AQP11: variants seen among roughly 807,000 people sequenced by gnomAD.
AQP11 encodes aquaporin-11.
In AQP11, 20 loss-of-function variants were observed where a neutral mutation model predicts 21.1. The observed-to-expected ratio is 0.95, with a 90% CI of 0.67 to 1.38. AQP11 has a LOEUF of 1.38. Among genes scored for constraint, AQP11 ranks in the 40% most tolerant of loss-of-function variants. The pLI is 0.00. For missense variants in AQP11, 339 were observed against 340.4 expected, an observed-to-expected ratio of 1.00 and a Z score of 0.03; for synonymous variants, 167 against 150.1, an observed-to-expected ratio of 1.11 and a Z score of -0.82.
At chr11:77,595,384 G>A (rs570808735) in intron 1 of AQP11, among the ~76,000 whole-genome samples, 1 of 152,152 alleles carries the variant, frequency 6.6e-6, no homozygotes, top group Admixed American at 6.5e-5. Context: ...TATTTTACAC[G>A]TCAGTTGTCT....
chr11:77,606,029 C>T (rs1177016504), intron 2 of AQP11, among the ~76,000 whole-genome samples: 1 of 100,322 alleles, frequency 1.0e-5, no homozygotes. Context: ...GGCGACAGAG[C>T]GAGTCTCAAA....
intron 1 of AQP11, among the ~76,000 whole-genome samples, chr11:77,599,976 T>G (rs527309303): frequency 6.6e-6 from 1 of 152,234 alleles, no homozygotes; most frequent in East Asian, 1.9e-4. Flanking sequence ...TTTATTTATT[T>G]TGAGACTGAG....
intron 1 of AQP11, among the ~76,000 whole-genome samples, chr11:77,593,406 C>A (rs1958760096): frequency 6.6e-6 from 1 of 152,132 alleles, no homozygotes; most frequent in Non-Finnish European, 1.5e-5. Context: ...GAGGCCGAGG[C>A]GGGCAGATCA....
intron 1 of AQP11, among the ~76,000 whole-genome samples, chr11:77,593,586 G>A (rs1227463205): frequency 2.0e-5 from 3 of 152,076 alleles, no homozygotes; most frequent in African/African-American, 4.8e-5. Flanking sequence ...GCAGTGAGCC[G>A]AGATCGAGTC....
chr11:77,608,948 A>T (rs1958861711), intron 2 of AQP11, among the ~76,000 whole-genome samples: 1 of 152,206 alleles, frequency 6.6e-6, no homozygotes, highest in South Asian at 2.1e-4. Context: ...TGAAGACCCA[A>T]GTCTAGAACT....
intron 1 of AQP11, among the ~76,000 whole-genome samples, chr11:77,600,904 C>G (rs960774457): frequency 6.6e-6 from 1 of 151,054 alleles, no homozygotes; most frequent in Non-Finnish European, 1.5e-5. Flanking sequence ...CCCAGCTACT[C>G]GGGAGGCTGA....
At chr11:77,593,490 A>G (rs1958760730) in intron 1 of AQP11, among the ~76,000 whole-genome samples, 1 of 152,160 alleles carries the variant, frequency 6.6e-6, no homozygotes. Flanking sequence ...CAAAAAAATT[A>G]GCCAGGCATG....
At chr11:77,594,760 G>A (rs1184666405) in intron 1 of AQP11, among the ~76,000 whole-genome samples, 2 of 152,036 alleles carry the variant, frequency 1.3e-5, no homozygotes, top group African/African-American at 4.8e-5. Context: ...ATAGCCACAG[G>A]CTCCTAAGGA....
chr11:77,594,904 C>G (rs1164828734), intron 1 of AQP11, among the ~76,000 whole-genome samples: 1 of 151,094 alleles, frequency 6.6e-6, no homozygotes, highest in South Asian at 2.1e-4. Context: ...AAAAAAAAAG[C>G]TGTGCGATTT....
intron 2 of AQP11, among the ~76,000 whole-genome samples, chr11:77,606,375 A>G (rs1309137340): frequency 6.6e-6 from 1 of 152,226 alleles, no homozygotes; most frequent in East Asian, 1.9e-4. Context: ...CTCCCTTTAC[A>G]GAGCAGAAAG....
Position 77,603,568 on chromosome 11 carries a change from C to T in AQP11, c.632C>T (p.Thr211Ile). 6.3e-7 allele frequency: 1 copy of T among 1,590,118 alleles called. No homozygotes were observed. Among genetic ancestry groups the T allele is most frequent in the South Asian group, 1.2e-5 (1 of 84,870 alleles). The change falls in exon 2 of 3, where the codon ACA (threonine) becomes ATA (isoleucine). Residue 211 changes from threonine (T) to isoleucine (I), a missense_variant. Transcript: ENST00000313578. The part of the protein sequence containing the change: ...TFLVYAGGSL[T>I]GAVFNPALAL... ...AAATCTGTTACAGGAGGAAGTCTAA[C>T]AGGAGCTGTATTTAATCCAGCTTTG...
At chr11:77,590,948 A>G (rs1958744182) in intron 1 of AQP11, 3 of 985,326 alleles carry the variant, frequency 3.0e-6, no homozygotes, top group South Asian at 4.7e-5. Context: ...CTTCATGCCA[A>G]GGTGGTATAG....
At chr11:77,602,190 T>C (rs1267802660) in intron 1 of AQP11, among the ~76,000 whole-genome samples, 1 of 152,140 alleles carries the variant, frequency 6.6e-6, no homozygotes, top group African/African-American at 2.4e-5. Flanking sequence ...TTAGATCTAG[T>C]GGAAAATCTT....
intron 1 of AQP11, among the ~76,000 whole-genome samples, chr11:77,602,951 A>G (rs1205625457): frequency 1.3e-5 from 2 of 152,048 alleles, no homozygotes; most frequent in African/African-American, 4.8e-5. Context: ...CAGACTATAG[A>G]CTCCTAGCCC....
chr11:77,606,030 G>A (rs1251327699), intron 2 of AQP11, among the ~76,000 whole-genome samples: 2 of 113,498 alleles, frequency 1.8e-5, no homozygotes, highest in African/African-American at 3.4e-5. Context: ...GCGACAGAGC[G>A]AGTCTCAAAA....
chr11:77,608,090 G>A (rs1230978595), intron 2 of AQP11, among the ~76,000 whole-genome samples: 1 of 151,990 alleles, frequency 6.6e-6, no homozygotes, highest in Non-Finnish European at 1.5e-5. Flanking sequence ...AATTTCAAAT[G>A]TGCATGTGAC....
intron 1 of AQP11, among the ~76,000 whole-genome samples, chr11:77,592,281 AAGAAAAAG>A (rs951786474): frequency 1.1e-4 from 16 of 152,064 alleles, no homozygotes; most frequent in African/African-American, 3.9e-4. Context: ...GAAAAAAAAA[AAGAAAAAG>A]AGAAAAAGAG....
At chr11:77,609,262 G>T (rs1370271371) in intron 2 of AQP11, 36 bp from the exon 3 acceptor site, 4 of 1,541,808 alleles carry the variant, frequency 2.6e-6, no homozygotes, top group Non-Finnish European at 2.7e-6. Flanking sequence ...CCTCCTTAAA[G>T]ATTGTTTTTT....
chr11:77,590,132 T>G lies in AQP11; in HGVS notation c.140T>G (p.Phe47Cys). ...QQLHRPVAHA[F>C]VLEFLATFQL... is the part of the protein sequence containing the mutation. ...CTGCACAGGCCGGTGGCCCACGCCTTCGTCCTGGAGTTTCTAGCCACCTTC... is the reference window on the plus strand; with the variant it reads ...CTGCACAGGCCGGTGGCCCACGCCTGCGTCCTGGAGTTTCTAGCCACCTTC... The change falls in exon 1 of 3, where the codon TTC becomes TGC. Residue 47 changes from phenylalanine to cysteine, a missense_variant. Physicochemically the swap from Phe to Cys is radical, Grantham distance 205. Coordinates refer to ENST00000313578, the MANE Select transcript of AQP11 (RefSeq NM_173039.3). The G allele has an allele frequency of 6.2e-7, 1 of 1,608,418 alleles. No homozygotes were observed. Among genetic ancestry groups the G allele is most frequent in the Non-Finnish European group, 8.5e-7 (1 of 1,179,818 alleles).
Sources: gnomAD v4.1 joint callset for allele counts (sites outside exome capture counted in the v4.1 genomes callset) on GRCh38, gnomAD v4.1.1 for gene constraint, MANE v1.5 for transcripts, NCBI Gene and HGNC (gene_info 2026-07-23, HGNC 2026-07-21) for gene names.